UTP15: variants seen among roughly 807,000 people sequenced by gnomAD.
The protein encoded by UTP15 is UTP15 small subunit processome component.
In UTP15, 5 loss-of-function variants were observed where a neutral mutation model predicts 59.1. The observed-to-expected ratio is 0.08, with a 90% CI of 0.04 to 0.18. The LOEUF (loss-of-function observed/expected upper bound fraction) is 0.18, where lower values mean the gene tolerates loss of function less well. Ranked by LOEUF, UTP15 falls within the 10% of genes least tolerant of loss-of-function variation. The pLI is 1.00. For missense variants in UTP15, 494 were observed against 616.7 expected, an observed-to-expected ratio of 0.80 and a Z score of 2.11; for synonymous variants, 211 against 212.2, an observed-to-expected ratio of 0.99 and a Z score of 0.05.
rs1748307912 is a variant in UTP15, at chr5:73,581,534, TG to T, written c.*1441del. Reference sequence around the variant, plus strand: ...TTAAAAATCAGTAAGAAAAATGTCTTGAGCTAGAAGAACCCATAGAGGAAGA... The same window carrying T: ...TTAAAAATCAGTAAGAAAAATGTCTTAGCTAGAAGAACCCATAGAGGAAGA... On this transcript the variant is annotated 3_prime_UTR_variant, in exon 13 of 13. Coordinates refer to ENST00000296792, the MANE Select transcript of UTP15 (RefSeq NM_032175.4). 1.3e-5 allele frequency: 2 copies of T among 152,164 alleles called. No individual in the cohort carries two copies. The highest frequency in any genetic ancestry group is 2.9e-5 in the Non-Finnish European group (2 of 68,032). 9.4% of individuals were successfully genotyped at this position (152,164 alleles called of 1,614,324 possible). A position where few individuals can be genotyped will look rare whatever the true frequency, so the allele number is the denominator to read the frequency against.
At position 73,580,055 on chromosome 5, in the gene UTP15, A is replaced by G. The variant is rs1018430199; in HGVS notation, c.1518A>G (p.Thr506=). The G allele has an allele frequency of 6.2e-7, 1 of 1,613,712 alleles. No individual in the cohort carries two copies. The highest frequency in any genetic ancestry group is 1.3e-5 in the African/African-American group (1 of 74,928). Reference sequence around the variant, plus strand: ...AAGGCACTTCTGTGTTGGAACACACATCTGATGGATTTCCAGAGAATAAGA... The same window carrying G: ...AAGGCACTTCTGTGTTGGAACACACGTCTGATGGATTTCCAGAGAATAAGA... The part of the protein sequence containing the change: ...RKEGTSVLEH[T]SDGFPENKKI... Residue 506 remains threonine, a synonymous_variant, in exon 13 of 13, where the codon ACA becomes ACG. Coordinates refer to ENST00000296792, the MANE Select transcript of UTP15 (RefSeq NM_032175.4).
In UTP15 at chr5:73,576,978, C is replaced by A. The variant is rs1326463719; in HGVS notation, c.836C>A (p.Ser279Tyr). 2 of 1,609,224 alleles carry A rather than the reference C, an allele frequency of 1.2e-6. No homozygotes were observed. Among genetic ancestry groups the A allele is most frequent in the Non-Finnish European group, 1.7e-6 (2 of 1,178,782 alleles). Residue 279 changes from serine (S) to tyrosine (Y), a missense_variant, in exon 8 of 13, where the codon TCC becomes TAC. Physicochemically the swap from Ser to Tyr is moderately radical, Grantham distance 144. Transcript: ENST00000296792. ...DRKVKVYSTT[S>Y]YKVVHSFDYA... ...AAGGTGAAAGTATACAGCACAACTTCCTACAAAGTAGTCCACAGTTTTGAT... is the reference window on the plus strand; with the variant it reads ...AAGGTGAAAGTATACAGCACAACTTACTACAAAGTAGTCCACAGTTTTGAT...
rs778748859 is a variant in UTP15 at position 73,578,747 on chromosome 5, G to T, written c.1045-4G>T. The T allele has an allele frequency of 1.2e-5, 19 of 1,612,826 alleles. No homozygotes were observed. The East Asian group carries it at 3.3e-4, about 28-fold the overall frequency. On this transcript the variant is annotated splice_region_variant and splice_polypyrimidine_tract_variant and intron_variant, in intron 9 of 12. Coordinates refer to ENST00000296792, the MANE Select transcript of UTP15 (RefSeq NM_032175.4). ...CTTCTCTATAAATGTACTTTTCATT[G>T]CAGGATGACATTTTGATTAACAGGC...
At chr5:73,574,811 AT>A (rs1353460084) in intron 7 of UTP15, among the ~76,000 whole-genome samples, 1 of 151,968 alleles carries the variant, frequency 6.6e-6, no homozygotes, top group Non-Finnish European at 1.5e-5. Flanking sequence ...TTATTATTTT[AT>A]TTCCATATTT....
At chr5:73,578,329 G>T in intron 9 of UTP15, 1 of 304,566 alleles carries the variant, frequency 3.3e-6, no homozygotes. Context: ...CACCTGAGAA[G>T]ACTGAGCGAC....
rs756297497 is a variant in UTP15 at position 73,583,290 on chromosome 5, C to T, written c.*3196C>T. ...GCTGGGAATGCTATGTCTAGGTCAT[C>T]AGCGGAGAAAGTTGGTTTGTAGAGA... On this transcript the variant is annotated 3_prime_UTR_variant, in exon 13 of 13. Coordinates refer to ENST00000296792, the MANE Select transcript of UTP15 (RefSeq NM_032175.4). The T allele has an allele frequency of 6.6e-6, 1 of 152,204 alleles. No individual in the cohort carries two copies. The highest frequency in any genetic ancestry group is 1.5e-5 in the Non-Finnish European group (1 of 68,044). The allele number at this position is 152,204 out of a possible 1,614,324, so 9.4% of individuals were successfully genotyped here. A position where few individuals can be genotyped will look rare whatever the true frequency, so the allele number is the denominator to read the frequency against.
chr5:73,571,208 C>G (rs1165644038), intron 6 of UTP15, among the ~76,000 whole-genome samples: 1 of 151,244 alleles, frequency 6.6e-6, no homozygotes, highest in East Asian at 1.9e-4. Context: ...GCTCATACTC[C>G]TTTTACTCCT....
Position 73,582,674 on chromosome 5 carries a change from C to T in UTP15, c.*2580C>T, listed in dbSNP as rs1012898193. 6.6e-6 allele frequency: 1 copy of T among 152,220 alleles called. No individual in the cohort carries two copies. The highest frequency in any genetic ancestry group is 6.5e-5 in the Admixed American group (1 of 15,282). The allele number at this position is 152,220 out of a possible 1,614,324, so 9.4% of individuals were successfully genotyped here. A position where few individuals can be genotyped will look rare whatever the true frequency, so the allele number is the denominator to read the frequency against. On this transcript the variant is annotated 3_prime_UTR_variant, in exon 13 of 13. Coordinates refer to ENST00000296792, the MANE Select transcript of UTP15 (RefSeq NM_032175.4). ...TAATGACTGGGATTAAAGGCATGAG[C>T]CACTGCGCCCAGCAGGAATGGTTAT... is the stretch of plus-strand genomic sequence containing the variant.
At position 73,583,070 on chromosome 5, in the gene UTP15, ATTTAGTCTGT is replaced by A. The variant is rs1338406712; in HGVS notation, c.*2978_*2987del. ...ATTGTAAATGGGATTGTTAAAACAA[ATTTAGTCTGT>A]TCAACTCAATGAGGGCATTTCATTT... On this transcript the variant is annotated 3_prime_UTR_variant, in exon 13 of 13. Coordinates refer to ENST00000296792, the MANE Select transcript of UTP15 (RefSeq NM_032175.4). 1 of 152,240 alleles carries A rather than the reference ATTTAGTCTGT, an allele frequency of 6.6e-6. No individual in the cohort carries two copies. The highest frequency in any genetic ancestry group is 2.4e-5 in the African/African-American group (1 of 41,464). The allele number at this position is 152,240 out of a possible 1,614,324, so 9.4% of individuals were successfully genotyped here.
chr5:73,578,234 C>T, intron 9 of UTP15: 2 of 443,072 alleles, frequency 4.5e-6, no homozygotes, highest in South Asian at 5.9e-5. Flanking sequence ...TAATGCTTTA[C>T]TGCATTCAAA....
rs113602179 is a variant in UTP15 at position 73,565,926 on chromosome 5, G to A, written c.-84+14G>A. ...GGCTCAGTGGAGGTAGGTGAAGGCG[G>A]CTCCCATTGAGGGAAGCCCACACTC... is the stretch of plus-strand genomic sequence containing the variant. On this transcript the variant is annotated intron_variant, in intron 1 of 12. Coordinates refer to ENST00000296792, the MANE Select transcript of UTP15 (RefSeq NM_032175.4). The A allele has an allele frequency of 4.8e-4, 218 of 455,628 alleles. No homozygotes were observed. The highest frequency in any genetic ancestry group is 3.9e-3 in the African/African-American group (198 of 50,164). 28.2% of individuals were successfully genotyped at this position (455,628 alleles called of 1,614,324 possible).
chr5:73,578,039 T>C (rs765711318), intron 9 of UTP15, 34 bp downstream of exon 9: 1 of 1,565,640 alleles, frequency 6.4e-7, no homozygotes, highest in Non-Finnish European at 8.6e-7. Context: ...GTTTAAAGGG[T>C]GAAATTTGTT....
chr5:73,568,411 A>G lies in UTP15; in HGVS notation c.184-9A>G. ...GCCATCTGGTGAAATACTGTTTTTCATCTTGTAGATTCACATTTATGGCCG... is the reference window on the plus strand; with the variant it reads ...GCCATCTGGTGAAATACTGTTTTTCGTCTTGTAGATTCACATTTATGGCCG... On this transcript the variant is annotated splice_polypyrimidine_tract_variant and intron_variant, in intron 3 of 12. Coordinates refer to ENST00000296792, the MANE Select transcript of UTP15 (RefSeq NM_032175.4). 6.2e-7 allele frequency: 1 copy of G among 1,603,478 alleles called. No homozygotes were observed. The highest frequency in any genetic ancestry group is 8.5e-7 in the Non-Finnish European group (1 of 1,175,120).
rs1440115195 is a variant in UTP15, at chr5:73,568,239, C to T, written c.95C>T (p.Pro32Leu). 1 of 1,606,808 alleles carries T rather than the reference C, an allele frequency of 6.2e-7. No individual in the cohort carries two copies. Among genetic ancestry groups the T allele is most frequent in the Non-Finnish European group, 8.5e-7 (1 of 1,177,828 alleles). The change falls in exon 3 of 13, where the codon CCT (proline) becomes CTT (leucine). Residue 32 changes from proline (P) to leucine (L), a missense_variant. Pro to Leu is a moderately conservative substitution (Grantham distance 98). Transcript: ENST00000296792. Reference sequence around the variant, plus strand: ...ACACTATTATTTTTTATTAAGACCCCTGTTCAGATTAAGGAATTTGGTGCA... The same window carrying T: ...ACACTATTATTTTTTATTAAGACCCTTGTTCAGATTAAGGAATTTGGTGCA... The part of the protein sequence containing the change: ...DTLYWNNYKT[P>L]VQIKEFGAVS...
intron 6 of UTP15, among the ~76,000 whole-genome samples, chr5:73,571,156 T>C (rs185987614): frequency 1.9e-4 from 29 of 151,884 alleles, no homozygotes; most frequent in Admixed American, 1.4e-3. Flanking sequence ...TTAGCTCTTA[T>C]GTATTTAGCC....
At chr5:73,566,005 A>G (rs1430872816) in intron 1 of UTP15, 93 bp downstream of exon 1, 17 of 376,438 alleles carry the variant, frequency 4.5e-5, no homozygotes, top group South Asian at 2.9e-4. Flanking sequence ...TTCCCAGGCT[A>G]TATAGGAGAG....
At chr5:73,569,799 A>G (rs1418453958) in intron 5 of UTP15, 124 bp downstream of exon 5, 2 of 744,760 alleles carry the variant, frequency 2.7e-6, no homozygotes, top group East Asian at 6.1e-5. Flanking sequence ...GTTTCTGATT[A>G]ATTCTTCAGT....
intron 7 of UTP15, among the ~76,000 whole-genome samples, chr5:73,575,445 A>G (rs1220626): frequency 0.27 from 41,100 of 152,018 alleles, 5,637 homozygotes; most frequent in African/African-American, 0.3. Flanking sequence ...TAAACATCCT[A>G]CAATGCACAG....
chr5:73,570,650 G>A lies in UTP15; in HGVS notation c.612G>A (p.Glu204=). 6.2e-7 allele frequency: 1 copy of A among 1,614,178 alleles called. No individual in the cohort carries two copies. The highest frequency in any genetic ancestry group is 8.5e-7 in the Non-Finnish European group (1 of 1,180,006). The change falls in exon 6 of 13, where the codon GAG becomes GAA. Residue 204 remains glutamate, a synonymous_variant. Transcript: ENST00000296792. ...CGAGTGAGAGTGTTCTCTCCGTTGA[G>A]CATGGGCAGCCAGTGGAGAGTGTCC... ...ARTSESVLSV[E]HGQPVESVLL...
Sources: gnomAD v4.1 joint callset for allele counts (sites outside exome capture counted in the v4.1 genomes callset) on GRCh38, gnomAD v4.1.1 for gene constraint, MANE v1.5 for transcripts, NCBI Gene and HGNC (gene_info 2026-07-23, HGNC 2026-07-21) for gene names.